TANC2: variants seen among roughly 807,000 people sequenced by gnomAD.
TANC2 encodes the protein tetratricopeptide repeat, ankyrin repeat and coiled-coil containing 2.
TANC2 carries 26 observed loss-of-function variants against 210.5 expected under a neutral mutation model. The observed-to-expected ratio is 0.12, with a 90% CI of 0.09 to 0.17. The LOEUF (loss-of-function observed/expected upper bound fraction) is 0.17, where lower values mean the gene tolerates loss of function less well. TANC2 is among the 10% of genes least tolerant of loss of function. The pLI is 1.00. For missense variants in TANC2, 2,129 were observed against 2,608.9 expected, an observed-to-expected ratio of 0.82 and a Z score of 4.01; for synonymous variants, 931 against 967.1, an observed-to-expected ratio of 0.96 and a Z score of 0.69.
chr17:63,213,783 C>A (rs2041952657), intron 7 of TANC2, among the ~76,000 whole-genome samples: 1 of 152,144 alleles, frequency 6.6e-6, no homozygotes, highest in South Asian at 2.1e-4. Flanking sequence ...GTTTTGGCAA[C>A]ATGCTGAAAT....
chr17:63,207,912 G>A lies in TANC2; in HGVS notation c.769+6955G>A, dbSNP rs540142009. ...GTTTGATATTGTCAGGCTTCATTTT[G>A]CCAATCTGGATGATATGAAAGTTAT... On this transcript the variant is annotated intron_variant, in intron 7 of 27. Transcript: ENST00000689528. Among the ~76,000 whole-genome samples the A allele has an allele frequency of 7.2e-5, 11 of 152,196 alleles. No homozygotes were observed. The East Asian group carries it at 1.7e-3, about 24-fold the overall frequency.
At chr17:63,088,039 A>G (rs535136072) in intron 3 of TANC2, 41 of 152,304 alleles carry the variant, frequency 2.7e-4, no homozygotes, top group African/African-American at 9.1e-4. Flanking sequence ...CAGGGTTTAT[A>G]GTTGTATTCA....
chr17:63,398,187 G>GT (rs778669628), intron 18 of TANC2, among the ~76,000 whole-genome samples: 6 of 152,106 alleles, frequency 3.9e-5, no homozygotes, highest in Non-Finnish European at 5.9e-5. Context: ...GCTGACACCT[G>GT]TAATCCCAGC....
chr17:63,230,717 G>T (rs1002764737), intron 7 of TANC2, among the ~76,000 whole-genome samples: 2 of 152,196 alleles, frequency 1.3e-5, no homozygotes, highest in Admixed American at 1.3e-4. Flanking sequence ...TAAGTGCCAG[G>T]TGGTGCCAAG....
chr17:63,390,403 G>C (rs574034059), intron 17 of TANC2: 1 of 152,322 alleles, frequency 6.6e-6, no homozygotes, highest in African/African-American at 2.4e-5. Flanking sequence ...AGCCTTAGAA[G>C]TTTACTGTAG....
intron 11 of TANC2, among the ~76,000 whole-genome samples, chr17:63,334,628 G>C (rs1225335468): frequency 6.6e-6 from 1 of 152,114 alleles, no homozygotes; most frequent in African/African-American, 2.4e-5. Context: ...ATGGGCAAAA[G>C]TTTAAGGAGA....
chr17:63,107,107 T>C (rs779310532), intron 4 of TANC2, among the ~76,000 whole-genome samples: 8 of 151,570 alleles, frequency 5.3e-5, no homozygotes, highest in Non-Finnish European at 1.0e-4. Context: ...TGCAAGGTTA[T>C]GATGAAAATT....
At chr17:63,368,800 T>G (rs2047181493) in intron 14 of TANC2, among the ~76,000 whole-genome samples, 1 of 152,134 alleles carries the variant, frequency 6.6e-6, no homozygotes, top group Non-Finnish European at 1.5e-5. Context: ...TTCCCAAAAT[T>G]TTAGCAATGA....
At chr17:62,980,167 GA>G (rs1315491988) in intron 1 of TANC2, among the ~76,000 whole-genome samples, 30 of 152,224 alleles carry the variant, frequency 2.0e-4, no homozygotes, top group African/African-American at 6.5e-4. Flanking sequence ...ACCTGAAACT[GA>G]GCTCTCTTCC....
intron 9 of TANC2, among the ~76,000 whole-genome samples, chr17:63,310,539 G>A (rs146822733): frequency 0.014 from 2,061 of 152,250 alleles, 24 homozygotes; most frequent in Middle Eastern, 0.024. Context: ...AACTATGAAA[G>A]GCAAAAGATT....
chr17:63,417,202 T>C (rs1035948566), intron 26 of TANC2, among the ~76,000 whole-genome samples: 4 of 152,138 alleles, frequency 2.6e-5, no homozygotes, highest in Non-Finnish European at 4.4e-5. Context: ...TCTTCTTAGG[T>C]AGAGGATTTC....
At chr17:63,230,278 C>A (rs529464295) in intron 7 of TANC2, among the ~76,000 whole-genome samples, 59 of 152,156 alleles carry the variant, frequency 3.9e-4, no homozygotes, top group African/African-American at 1.3e-3. Flanking sequence ...GTGTCTCTGT[C>A]TCCCTCAGTT....
intron 3 of TANC2, among the ~76,000 whole-genome samples, chr17:63,094,492 G>A (rs1271887384): frequency 6.6e-6 from 1 of 152,084 alleles, no homozygotes; most frequent in Admixed American, 6.5e-5. Context: ...CACCAATGAT[G>A]TATACAGTTC....
At chr17:63,121,096 A>G (rs1047679611) in intron 4 of TANC2, among the ~76,000 whole-genome samples, 6 of 152,180 alleles carry the variant, frequency 3.9e-5, no homozygotes, top group African/African-American at 7.2e-5. Flanking sequence ...TAGAGTCTAC[A>G]TTAAGACATG....
chr17:63,179,007 G>T (rs2040686600), intron 5 of TANC2, among the ~76,000 whole-genome samples: 1 of 152,120 alleles, frequency 6.6e-6, no homozygotes, highest in African/African-American at 2.4e-5. Flanking sequence ...TGGAGAATTG[G>T]CATCATCAAG....
In TANC2 at chr17:63,353,522, C is replaced by G. The variant is rs148871804; in HGVS notation, c.1975-1261C>G. Among the ~76,000 whole-genome samples the G allele has an allele frequency of 3.9e-5, 6 of 151,996 alleles. No individual in the cohort carries two copies. The East Asian group carries it at 1.2e-3, about 29-fold the overall frequency. On this transcript the variant is annotated intron_variant, in intron 13 of 27. Transcript: ENST00000689528. ...GAGTAGACAGATATAAGATGGGACT[C>G]AGGGGAGATGACTAAGCTAGAAACA... is the stretch of plus-strand genomic sequence containing the variant.
intron 1 of TANC2, among the ~76,000 whole-genome samples, chr17:62,984,051 T>C (rs748446050): frequency 6.6e-6 from 1 of 152,126 alleles, no homozygotes; most frequent in Non-Finnish European, 1.5e-5. Flanking sequence ...GTATTAATTA[T>C]TCTTTAAGGC....
chr17:63,389,576 C>T (rs1167979709), intron 17 of TANC2, 32 bp downstream of exon 17: 9 of 1,559,242 alleles, frequency 5.8e-6, no homozygotes, highest in Non-Finnish European at 7.0e-6. Context: ...TGCTTTTCTT[C>T]CCTTTTTCTT....
intron 9 of TANC2, among the ~76,000 whole-genome samples, chr17:63,307,915 G>A (rs937833370): frequency 4.6e-5 from 7 of 152,186 alleles, no homozygotes; most frequent in South Asian, 2.1e-4. Context: ...ACAGGCGCCC[G>A]CTGCCATGCC....
Sources: gnomAD v4.1 joint callset for allele counts (sites outside exome capture counted in the v4.1 genomes callset) on GRCh38, gnomAD v4.1.1 for gene constraint, MANE v1.5 for transcripts, NCBI Gene and HGNC (gene_info 2026-07-23, HGNC 2026-07-21) for gene names.